The following ITGA8 variants were observed in gnomAD, a reference collection of about 807,000 sequenced individuals.
ITGA8 encodes integrin subunit alpha 8.
ITGA8 carries 91 observed loss-of-function variants against 142.3 expected under a neutral mutation model. That is an observed-to-expected ratio of 0.64 (90% CI 0.54 to 0.76). The LOEUF (loss-of-function observed/expected upper bound fraction) is 0.76, where lower values mean the gene tolerates loss of function less well. Ranked by LOEUF, ITGA8 falls within the 30% of genes least tolerant of loss-of-function variation. The probability of loss-of-function intolerance (pLI) is 0.00; values close to 1 mark genes in which losing one functional copy is unlikely to be tolerated. For synonymous variants in ITGA8, 505 were observed against 485.2 expected (o/e 1.04, Z -0.54); for missense variants, 1,406 against 1,327.7 (o/e 1.06, Z -0.92).
rs774677009 is a variant in ITGA8, at chr10:15,558,175, C to T, written c.2665G>A (p.Glu889Lys). 6.2e-7 allele frequency: 1 copy of T among 1,614,180 alleles called. No individual in the cohort carries two copies. Among genetic ancestry groups the T allele is most frequent in the Non-Finnish European group, 8.5e-7 (1 of 1,180,038 alleles). Reference sequence around the variant, plus strand: ...GAGTTTCGCAAAAAGGCGCTGAGCTCAGGGGTGTCCTCTGGGGAGGCAGCA... The same window carrying T: ...GAGTTTCGCAAAAAGGCGCTGAGCTTAGGGGTGTCCTCTGGGGAGGCAGCA... ...KPAASPEDTP[E>K]LSAFLRNSTI... Residue 889 changes from glutamate (E) to lysine (K), a missense_variant, in exon 26 of 30, where the codon GAG becomes AAG. Coordinates refer to ENST00000378076, the MANE Select transcript of ITGA8 (RefSeq NM_003638.3).
intron 20 of ITGA8, among the ~76,000 whole-genome samples, chr10:15,600,655 T>A (rs1416290912): frequency 6.6e-6 from 1 of 152,212 alleles, no homozygotes; most frequent in African/African-American, 2.4e-5. Flanking sequence ...TAGTGAGGAT[T>A]TGAAGACAGT....
At chr10:15,634,812 C>T (rs117759553) in intron 13 of ITGA8, among the ~76,000 whole-genome samples, 1,595 of 151,952 alleles carry the variant, frequency 0.01, 18 homozygotes, top group Non-Finnish European at 0.013. Flanking sequence ...GATAGAATTT[C>T]GAATAGGTCC....
intron 8 of ITGA8, among the ~76,000 whole-genome samples, chr10:15,663,185 A>G (rs1434318116): frequency 2.6e-5 from 4 of 152,166 alleles, no homozygotes; most frequent in Non-Finnish European, 5.9e-5. Flanking sequence ...AATCATGAAC[A>G]TGCACAGTCC....
At chr10:15,652,726 T>A (rs958667580) in intron 11 of ITGA8, among the ~76,000 whole-genome samples, 1 of 152,250 alleles carries the variant, frequency 6.6e-6, no homozygotes, top group Non-Finnish European at 1.5e-5. Context: ...AAGATTGACA[T>A]TCAACTATAA....
intron 13 of ITGA8, among the ~76,000 whole-genome samples, chr10:15,621,540 G>C (rs1025355464): frequency 2.0e-5 from 3 of 152,180 alleles, no homozygotes; most frequent in Admixed American, 2.0e-4. Context: ...ATTTGGGAAA[G>C]AAATTTTAGT....
intron 13 of ITGA8, among the ~76,000 whole-genome samples, chr10:15,639,814 A>AT (rs1157290428): frequency 6.6e-6 from 1 of 152,148 alleles, no homozygotes; most frequent in African/African-American, 2.4e-5. Flanking sequence ...GAACATTCGG[A>AT]TTTTTTAAAG....
chr10:15,688,443 C>G (rs1834874103), intron 2 of ITGA8, among the ~76,000 whole-genome samples: 1 of 152,002 alleles, frequency 6.6e-6, no homozygotes, highest in African/African-American at 2.4e-5. Context: ...TACACTCCAG[C>G]CTGGGCGACA....
intron 3 of ITGA8, 82 bp downstream of exon 3, chr10:15,687,856 G>T: frequency 1.7e-5 from 14 of 834,788 alleles, no homozygotes; most frequent in Non-Finnish European, 2.7e-5. Flanking sequence ...TTAGGAAAGA[G>T]CTTTCCTAAA....
At chr10:15,616,119 CT>C (rs1238136483) in intron 14 of ITGA8, among the ~76,000 whole-genome samples, 2 of 152,008 alleles carry the variant, frequency 1.3e-5, no homozygotes, top group East Asian at 3.8e-4. Context: ...TATTCCCTAA[CT>C]TAGTGTCCAG....
At chr10:15,714,167 A>G (rs552240881) in intron 2 of ITGA8, among the ~76,000 whole-genome samples, 29 of 152,214 alleles carry the variant, frequency 1.9e-4, no homozygotes, top group Non-Finnish European at 3.2e-4. Flanking sequence ...CTTTGGAACT[A>G]TGTTGCAATT....
chr10:15,606,175 T>C (rs147132659), intron 18 of ITGA8, 110 bp downstream of exon 18: 1 of 912,324 alleles, frequency 1.1e-6, no homozygotes, highest in Non-Finnish European at 1.7e-6. Flanking sequence ...GTTCCATGTC[T>C]GCATGCAGAA....
intron 2 of ITGA8, among the ~76,000 whole-genome samples, chr10:15,699,674 C>G (rs1287385706): frequency 1.3e-5 from 2 of 152,168 alleles, no homozygotes; most frequent in African/African-American, 4.8e-5. Flanking sequence ...ACAAGGGTTT[C>G]TCTCCAGCAC....
rs12221279 is a variant in ITGA8, at chr10:15,581,489, G to A, written c.2372+5095C>T. Among the ~76,000 whole-genome samples the A allele has an allele frequency of 2.6e-5, 4 of 152,210 alleles. No individual in the cohort carries two copies. The East Asian group carries it at 7.7e-4, about 29-fold the overall frequency. On this transcript the variant is annotated intron_variant, in intron 23 of 29. Coordinates refer to ENST00000378076, the MANE Select transcript of ITGA8 (RefSeq NM_003638.3). ...CTGTAAGTGTAATAGCTTTCAATGA[G>A]TTCTGTGTACTTCTACTGAAGTTTT... is the stretch of plus-strand genomic sequence containing the variant.
chr10:15,575,479 C>A lies in ITGA8; in HGVS notation c.2478+10G>T. The A allele has an allele frequency of 6.3e-7, 1 of 1,589,944 alleles. No individual in the cohort carries two copies. ...ACCCCTAACACAACTTTAACACAGA[C>A]AATGGCTACCTCATAAATATGTTCC... is the stretch of plus-strand genomic sequence containing the variant. On this transcript the variant is annotated intron_variant, in intron 24 of 29. Coordinates refer to ENST00000378076, the MANE Select transcript of ITGA8 (RefSeq NM_003638.3).
At chr10:15,529,480 C>T (rs1833247913) in intron 28 of ITGA8, among the ~76,000 whole-genome samples, 2 of 152,130 alleles carry the variant, frequency 1.3e-5, no homozygotes, top group Non-Finnish European at 2.9e-5. Flanking sequence ...TCTTGAAAAC[C>T]TTGGATTTTC....
intron 23 of ITGA8, among the ~76,000 whole-genome samples, chr10:15,581,416 A>G (rs1036536888): frequency 2.6e-5 from 4 of 152,134 alleles, no homozygotes; most frequent in African/African-American, 9.7e-5. Context: ...CACAGTGTGT[A>G]TTTCTTCCCT....
intron 19 of ITGA8, among the ~76,000 whole-genome samples, chr10:15,604,607 AT>A (rs1833161949): frequency 6.8e-6 from 1 of 147,672 alleles, no homozygotes; most frequent in African/African-American, 2.5e-5. Flanking sequence ...AAAAGGATTG[AT>A]TTATAGCATT....
At chr10:15,624,378 T>C (rs938718254) in intron 13 of ITGA8, among the ~76,000 whole-genome samples, 5 of 152,210 alleles carry the variant, frequency 3.3e-5, no homozygotes, top group Non-Finnish European at 7.3e-5. Context: ...TTTCTCTAGA[T>C]GAGAAGGGCA....
At chr10:15,574,714 T>TA (rs147826228) in intron 24 of ITGA8, among the ~76,000 whole-genome samples, 49,089 of 149,348 alleles carry the variant, frequency 0.33, 8,343 homozygotes, top group Non-Finnish European at 0.39. Flanking sequence ...TATATATATA[T>TA]TTTTTTTTTA....
Sources: gnomAD v4.1 joint callset for allele counts (sites outside exome capture counted in the v4.1 genomes callset) on GRCh38, gnomAD v4.1.1 for gene constraint, MANE v1.5 for transcripts, NCBI Gene and HGNC (gene_info 2026-07-23, HGNC 2026-07-21) for gene names.